The following LTBP1 variants were observed in gnomAD, a reference collection of about 807,000 sequenced individuals.
LTBP1 encodes latent-transforming growth factor beta-binding protein 1.
LTBP1 carries 129 observed loss-of-function variants against 207.6 expected under a neutral mutation model. The ratio of observed to expected loss-of-function variants is 0.62; its 90% CI spans 0.54 to 0.72. The LOEUF (loss-of-function observed/expected upper bound fraction) is 0.72, where lower values mean the gene tolerates loss of function less well. Among genes scored for constraint, LTBP1 ranks in the 30% least tolerant of loss-of-function variants. The pLI is 0.00. For synonymous variants in LTBP1, 963 were observed against 833.7 expected, an observed-to-expected ratio of 1.16 and a Z score of -2.67; for missense variants, 2,281 against 2,217.2, an observed-to-expected ratio of 1.03 and a Z score of -0.58.
intron 3 of LTBP1, among the ~76,000 whole-genome samples, chr2:33,048,325 G>T (rs1209692294): frequency 2.0e-5 from 3 of 152,180 alleles, no homozygotes; most frequent in African/African-American, 4.8e-5. Flanking sequence ...AACCTTCAGA[G>T]GATTCTGGGA....
intron 9 of LTBP1, among the ~76,000 whole-genome samples, chr2:33,228,296 T>A (rs1190743431): frequency 6.6e-6 from 1 of 152,210 alleles, no homozygotes. Flanking sequence ...GATGCTTTGT[T>A]TAATAAGCAC....
At chr2:33,334,913 T>TA (rs773724430) in intron 24 of LTBP1, among the ~76,000 whole-genome samples, 7,334 of 128,174 alleles carry the variant, frequency 0.057, 562 homozygotes, top group African/African-American at 0.17. Flanking sequence ...TACTAAAAAT[T>TA]AAAAAAAAAA....
At position 33,262,751 on chromosome 2, in the gene LTBP1, C is replaced by A. The variant is rs780735027; in HGVS notation, c.2448C>A (p.Thr816=). 1 of 1,602,810 alleles carries A rather than the reference C, an allele frequency of 6.2e-7. No homozygotes were observed. ...KEIPSLDQEK[T]KLEPGQPQLS... The stretch of plus-strand genomic sequence containing the variant: ...TACCTTCATTGGATCAAGAGAAAAC[C>A]AAACTTGAGCCTGGTCAACCCCAGC... Residue 816 remains threonine, a synonymous_variant, in exon 14 of 34, where the codon ACC becomes ACA. Coordinates refer to ENST00000404816, the MANE Select transcript of LTBP1 (RefSeq NM_206943.4).
intron 20 of LTBP1, among the ~76,000 whole-genome samples, chr2:33,297,205 A>G (rs1451765616): frequency 2.0e-5 from 3 of 151,866 alleles, no homozygotes; most frequent in African/African-American, 7.3e-5. Context: ...CTTGACCTCT[A>G]CTCCGATTCT....
chr2:33,062,253 T>C (rs1035348752), intron 3 of LTBP1, among the ~76,000 whole-genome samples: 1 of 152,018 alleles, frequency 6.6e-6, no homozygotes, highest in Non-Finnish European at 1.5e-5. Flanking sequence ...AGCATTTTTT[T>C]CCTCTTACTG....
intron 24 of LTBP1, among the ~76,000 whole-genome samples, chr2:33,336,291 C>G (rs1284120629): frequency 6.6e-6 from 1 of 152,148 alleles, no homozygotes; most frequent in Admixed American, 6.5e-5. Flanking sequence ...TCATCTAGGA[C>G]TAACCTTTTT....
chr2:32,970,846 C>T (rs964251101), intron 2 of LTBP1, among the ~76,000 whole-genome samples: 3 of 151,776 alleles, frequency 2.0e-5, no homozygotes, highest in African/African-American at 7.3e-5. Context: ...TTGCTTTGGG[C>T]AGTATGGTCA....
chr2:32,961,269 T>G (rs1478976583), intron 2 of LTBP1, among the ~76,000 whole-genome samples: 1 of 150,846 alleles, frequency 6.6e-6, no homozygotes, highest in Non-Finnish European at 1.5e-5. Flanking sequence ...TCTGCCGAGC[T>G]CTCGTGGAAA....
At chr2:33,018,397 G>A (rs985720637) in intron 2 of LTBP1, among the ~76,000 whole-genome samples, 18 of 151,940 alleles carry the variant, frequency 1.2e-4, no homozygotes, top group Non-Finnish European at 1.5e-4. Flanking sequence ...GAGGAGAAGC[G>A]GAAATCATTC....
intron 26 of LTBP1, among the ~76,000 whole-genome samples, chr2:33,356,406 G>A (rs542755357): frequency 2.6e-5 from 4 of 152,162 alleles, no homozygotes; most frequent in South Asian, 2.1e-4. Flanking sequence ...TCTGCCGGGC[G>A]AGGTGACTCA....
rs763471558 is a variant in LTBP1 at position 33,021,031 on chromosome 2, G to A, written c.688G>A (p.Val230Ile). ...TIAAQDTSSP[V>I]FGGQSPGAAS... ...AGCTGCCCAGGACACCTCGTCACCA[G>A]TCTTTGGAGGGCAGAGTCCTGGGGC... is the stretch of plus-strand genomic sequence containing the variant. Residue 230 changes from valine to isoleucine, a missense_variant, in exon 3 of 34, where the codon GTC becomes ATC. Physicochemically the swap from Val to Ile is conservative, Grantham distance 29. Coordinates refer to ENST00000404816, the MANE Select transcript of LTBP1 (RefSeq NM_206943.4). 1 of 1,614,132 alleles carries A rather than the reference G, an allele frequency of 6.2e-7. No individual in the cohort carries two copies. Among genetic ancestry groups the A allele is most frequent in the East Asian group, 2.2e-5 (1 of 44,876 alleles).
intron 24 of LTBP1, among the ~76,000 whole-genome samples, chr2:33,322,985 A>C (rs1373082367): frequency 6.6e-6 from 1 of 152,156 alleles, no homozygotes; most frequent in East Asian, 1.9e-4. Flanking sequence ...AAGGCCAGTG[A>C]GATCGGGATT....
chr2:33,288,653 A>G (rs1443706499), intron 19 of LTBP1, among the ~76,000 whole-genome samples: 2 of 152,138 alleles, frequency 1.3e-5, no homozygotes, highest in Non-Finnish European at 2.9e-5. Context: ...CAGGAGATCG[A>G]GACCATCCTG....
chr2:33,171,187 G>C (rs915139754), intron 5 of LTBP1, among the ~76,000 whole-genome samples: 3 of 127,010 alleles, frequency 2.4e-5, no homozygotes, highest in African/African-American at 8.6e-5. Context: ...AGAGAAGAAG[G>C]CTTCAGACGA....
intron 3 of LTBP1, among the ~76,000 whole-genome samples, chr2:33,077,739 T>A (rs1339367837): frequency 6.6e-6 from 1 of 152,212 alleles, no homozygotes; most frequent in African/African-American, 2.4e-5. Flanking sequence ...CGCATTGTTG[T>A]TTTTTACTTT....
intron 31 of LTBP1, among the ~76,000 whole-genome samples, chr2:33,381,109 C>T (rs1333834239): frequency 6.6e-6 from 1 of 152,148 alleles, no homozygotes; most frequent in African/African-American, 2.4e-5. Flanking sequence ...TCAGTCTTGT[C>T]TCTTATCAAT....
intron 25 of LTBP1, among the ~76,000 whole-genome samples, chr2:33,346,608 C>T (rs983365154): frequency 3.3e-5 from 5 of 151,728 alleles, no homozygotes; most frequent in Non-Finnish European, 5.9e-5. Context: ...CACTTGAACC[C>T]GGGAGACAGA....
intron 5 of LTBP1, among the ~76,000 whole-genome samples, chr2:33,167,513 C>T (rs1353883313): frequency 6.6e-6 from 1 of 152,208 alleles, no homozygotes; most frequent in Non-Finnish European, 1.5e-5. Flanking sequence ...CAGATGTGAA[C>T]CCAGACAATT....
intron 19 of LTBP1, among the ~76,000 whole-genome samples, chr2:33,284,530 C>T (rs1379344215): frequency 6.6e-6 from 1 of 152,174 alleles, no homozygotes; most frequent in African/African-American, 2.4e-5. Context: ...TCGATCCCCA[C>T]CTTTAATGAC....
Sources: allele counts gnomAD v4.1 joint callset (sites outside exome capture counted in the v4.1 genomes callset), GRCh38; gene constraint gnomAD v4.1.1; transcripts MANE v1.5; gene names NCBI Gene and HGNC (gene_info 2026-07-23, HGNC 2026-07-21).